BTBD2: variants seen among roughly 807,000 people sequenced by gnomAD.
BTBD2 encodes BTB/POZ domain-containing protein 2.
A neutral mutation model predicts 44.0 loss-of-function variants in BTBD2; 15 were observed. The ratio of observed to expected loss-of-function variants is 0.34; its 90% CI spans 0.23 to 0.53. The LOEUF is 0.53. Ranked by LOEUF, BTBD2 falls within the 20% of genes least tolerant of loss-of-function variation. The probability of loss-of-function intolerance (pLI) is 0.95; values close to 1 mark genes in which losing one functional copy is unlikely to be tolerated. For synonymous variants in BTBD2, 443 were observed against 335.9 expected (o/e 1.32, Z -3.49); for missense variants, 657 against 746.4 (o/e 0.88, Z 1.39).
At chr19:2,005,608 G>A (rs8112800) in intron 1 of BTBD2, among the ~76,000 whole-genome samples, 1 of 151,238 alleles carries the variant, frequency 6.6e-6, no homozygotes, top group Non-Finnish European at 1.5e-5. Context: ...AGGATGAAAC[G>A]CCATCTCTCC....
chr19:1,999,121 C>T (rs1218751614), intron 1 of BTBD2, among the ~76,000 whole-genome samples: 2 of 152,186 alleles, frequency 1.3e-5, no homozygotes, highest in Admixed American at 1.3e-4. Flanking sequence ...CCTCGCTCTC[C>T]TCCCACCACA....
At chr19:2,009,050 G>A (rs1363224076) in intron 1 of BTBD2, among the ~76,000 whole-genome samples, 2 of 147,720 alleles carry the variant, frequency 1.4e-5, no homozygotes, top group East Asian at 4.0e-4. Context: ...ACAGAGTCTC[G>A]CTTTGTCACC....
At chr19:2,011,549 G>A (rs1212770805) in intron 1 of BTBD2, among the ~76,000 whole-genome samples, 1 of 152,104 alleles carries the variant, frequency 6.6e-6, no homozygotes, top group African/African-American at 2.4e-5. Flanking sequence ...CTTGCTCAGG[G>A]GGTCGTTCTG....
At chr19:1,987,347 C>G (rs868515058) in intron 6 of BTBD2, 94 bp from the exon 7 acceptor site, 1 of 1,475,846 alleles carries the variant, frequency 6.8e-7, no homozygotes, top group Non-Finnish European at 9.3e-7. Context: ...TCCCCTCCAT[C>G]GTCCCTGAGT....
rs115260571 is a variant in BTBD2, at chr19:2,002,207, G to A, written c.408-4744C>T. On this transcript the variant is annotated intron_variant, in intron 1 of 8. Transcript: ENST00000255608. ...AGCAATGATCCCACCTCAGCCTCCC[G>A]GTAGCTGGGAACACACACACAAGCC... Among the ~76,000 whole-genome samples, 1,366 of 152,062 alleles carry A rather than the reference G, an allele frequency of 9.0e-3. 14 individuals are homozygous for A. Among genetic ancestry groups the A allele is most frequent in the African/African-American group, 0.031 (1,269 of 41,484 alleles).
intron 3 of BTBD2, among the ~76,000 whole-genome samples, chr19:1,992,734 G>A (rs920476257): frequency 2.6e-5 from 4 of 151,616 alleles, no homozygotes; most frequent in Non-Finnish European, 5.9e-5. Flanking sequence ...ACCACGCCCG[G>A]CTCTTTTTTG....
Position 1,990,841 on chromosome 19 carries a change from G to A in BTBD2, c.685-19C>T, listed in dbSNP as rs767414091. On this transcript the variant is annotated intron_variant, in intron 3 of 8. Transcript: ENST00000255608. ...GTCGCGCCTGGCAAGAGACATCGAC[G>A]GGGGGCGCGGTGGGGACATCAGCAC... is the stretch of plus-strand genomic sequence containing the variant. 9.1e-6 allele frequency: 14 copies of A among 1,540,858 alleles called. No homozygotes were observed. Among genetic ancestry groups the A allele is most frequent in the East Asian group, 2.4e-5 (1 of 40,948 alleles).
intron 3 of BTBD2, 35 bp downstream of exon 3, chr19:1,992,982 GCCT>G: frequency 8.4e-7 from 1 of 1,191,204 alleles, no homozygotes; most frequent in Non-Finnish European, 1.1e-6. Context: ...CTCCAGCCAG[GCCT>G]GGCCCCGCCC....
chr19:2,012,653 T>A (rs903759100), intron 1 of BTBD2, among the ~76,000 whole-genome samples: 2 of 152,194 alleles, frequency 1.3e-5, no homozygotes, highest in Non-Finnish European at 2.9e-5. Context: ...GAGGGTCCGC[T>A]GTCCCAGGCC....
rs1289155788 is a variant in BTBD2, at chr19:1,990,757, T to C, written c.750A>G (p.Ala250=). 4 of 1,603,132 alleles carry C rather than the reference T, an allele frequency of 2.5e-6. No individual in the cohort carries two copies. In the Admixed American group the frequency reaches 5.1e-5, roughly 20 times the overall value. ...LCLENIDKNT[A]DAITAEGFTD... Reference sequence around the variant, plus strand: ...TGAAGCCCTCCGCGGTGATGGCGTCTGCAGTGTTTTTGTCGATGTTCTCCA... The same window carrying C: ...TGAAGCCCTCCGCGGTGATGGCGTCCGCAGTGTTTTTGTCGATGTTCTCCA... Residue 250 remains alanine (A), a synonymous_variant, in exon 4 of 9, where the codon GCA becomes GCG. Transcript: ENST00000255608.
rs374406590 is a variant in BTBD2 at position 1,986,635 on chromosome 19, G to A, written c.1431C>T (p.His477=). The A allele has an allele frequency of 2.5e-6, 4 of 1,613,832 alleles. No homozygotes were observed. The highest frequency in any genetic ancestry group is 3.4e-6 in the Non-Finnish European group (4 of 1,179,844). ...CCTTGCGCAGGCCTTTGGTGCCGTA[G>A]TGGGAGTCTGGGCCCTGTAGGGAAT... ...ACATLKGPDS[H]YGTKGLRKVT... is the part of the protein sequence containing the mutation. Residue 477 remains histidine (H), a synonymous_variant, in exon 9 of 9, where the codon CAC becomes CAT. Transcript: ENST00000255608.
intron 1 of BTBD2, among the ~76,000 whole-genome samples, chr19:2,010,343 G>A (rs554808201): frequency 8.3e-4 from 127 of 152,288 alleles, no homozygotes; most frequent in African/African-American, 2.5e-3. Flanking sequence ...AGCGCGCTGA[G>A]ATGGACGGGT....
chr19:1,999,135 G>GC (rs1171277046), intron 1 of BTBD2, among the ~76,000 whole-genome samples: 1 of 151,958 alleles, frequency 6.6e-6, no homozygotes, highest in Non-Finnish European at 1.5e-5. Context: ...CACCACACGC[G>GC]CCCCCCTAAA....
chr19:2,015,624 C>A lies in BTBD2; in HGVS notation c.80G>T (p.Gly27Val). The change falls in exon 1 of 9, where the codon GGG becomes GTG. Residue 27 changes from glycine (G) to valine (V), a missense_variant. Physicochemically the swap from Gly to Val is moderately radical, Grantham distance 109 (BLOSUM62 -3). Coordinates refer to ENST00000255608, the MANE Select transcript of BTBD2 (RefSeq NM_017797.4). ...GGTGGCGGCGGCGTTGGCGCTGGGC[C>A]CGGGACTGCCCCCCGTGCCCGGGCC... The part of the protein sequence containing the change: ...GVGPGTGGSP[G>V]PSANAAATPA... 1 of 978,040 alleles carries A rather than the reference C, an allele frequency of 1.0e-6. No homozygotes were observed. Among genetic ancestry groups the A allele is most frequent in the Non-Finnish European group, 1.2e-6 (1 of 828,396 alleles). The allele number at this position is 978,040 out of a possible 1,614,324, so 60.6% of individuals were successfully genotyped here.
intron 4 of BTBD2, 126 bp downstream of exon 4, chr19:1,990,591 C>T: frequency 2.2e-6 from 2 of 894,722 alleles, no homozygotes; most frequent in Non-Finnish European, 3.4e-6. Context: ...TCCTGACCTG[C>T]TGCAAGTGGT....
chr19:1,990,572 G>T, intron 4 of BTBD2, 145 bp downstream of exon 4: 1 of 775,554 alleles, frequency 1.3e-6, no homozygotes, highest in Non-Finnish European at 2.0e-6. Context: ...GCTGTGCTAG[G>T]ACCCAAACTC....
At position 1,987,273 on chromosome 19, in the gene BTBD2, G is replaced by A. The variant is rs769161675; in HGVS notation, c.1182-20C>T. ...GAGAACCTGCCGTGGCAGATGACAG[G>A]CAGCAGCGTGGATACCCAGGGATAG... On this transcript the variant is annotated intron_variant, in intron 6 of 8. Coordinates refer to ENST00000255608, the MANE Select transcript of BTBD2 (RefSeq NM_017797.4). 1.2e-6 allele frequency: 2 copies of A among 1,612,622 alleles called. No individual in the cohort carries two copies. Among genetic ancestry groups the A allele is most frequent in the South Asian group, 2.2e-5 (2 of 91,034 alleles).
Position 1,986,555 on chromosome 19 carries a change from G to A in BTBD2, c.1511C>T (p.Ala504Val), listed in dbSNP as rs1266915483. Residue 504 changes from alanine (A) to valine (V), a missense_variant, in exon 9 of 9, where the codon GCG (alanine) becomes GTG (valine). By Grantham distance (64) the Ala-to-Val change is moderately conservative. This residue lies in a region of BTBD2 where 449 missense variants were observed against 510.9 expected (regional missense o/e 0.88). Coordinates refer to ENST00000255608, the MANE Select transcript of BTBD2 (RefSeq NM_017797.4). ...GAKTCFTFCYAAGNNNGTSVE... is the reference protein window; with the variant it reads ...GAKTCFTFCYVAGNNNGTSVE... ...GGATGTGCCATTGTTGTTCCCGGCC[G>A]CGTAGCAAAAGGTGAAGCAGGTCTT... 8 of 1,613,966 alleles carry A rather than the reference G, an allele frequency of 5.0e-6. No individual in the cohort carries two copies. Among genetic ancestry groups the A allele is most frequent in the South Asian group, 1.1e-5 (1 of 91,094 alleles).
chr19:2,006,816 G>A (rs555709426), intron 1 of BTBD2, among the ~76,000 whole-genome samples: 5 of 152,040 alleles, frequency 3.3e-5, no homozygotes, highest in African/African-American at 4.8e-5. Flanking sequence ...AGCCTCCTAC[G>A]TAGCTGGGAT....
Sources: gnomAD v4.1 joint callset for allele counts (sites outside exome capture counted in the v4.1 genomes callset) on GRCh38, gnomAD v4.1.1 for gene constraint, gnomAD v4.1.1 regional missense constraint, MANE v1.5 for transcripts, NCBI Gene and HGNC (gene_info 2026-07-23, HGNC 2026-07-21) for gene names.